USP53: variants seen among roughly 807,000 people sequenced by gnomAD.
The protein encoded by USP53 is ubiquitin carboxyl-terminal hydrolase 53.
Under a neutral mutation model 94.9 loss-of-function variants are expected in USP53, and 71 were observed. The observed-to-expected ratio is 0.75, with a 90% confidence interval of 0.62 to 0.91. The LOEUF (loss-of-function observed/expected upper bound fraction) is 0.91. USP53 is among the 40% of genes least tolerant of loss of function. The pLI is 0.00. For missense variants in USP53, 1,173 were observed against 1,281.0 expected, an observed-to-expected ratio of 0.92 and a Z score of 1.29; for synonymous variants, 375 against 422.7, an observed-to-expected ratio of 0.89 and a Z score of 1.39.
intron 7 of USP53, among the ~76,000 whole-genome samples, chr4:119,251,672 A>G (rs1749033577): frequency 1.3e-5 from 2 of 152,070 alleles, no homozygotes; most frequent in Admixed American, 1.3e-4. Context: ...ACCCTTCATC[A>G]CTTTCTCTTG....
At chr4:119,242,509 C>T (rs1394279309) in intron 5 of USP53, among the ~76,000 whole-genome samples, 1 of 152,100 alleles carries the variant, frequency 6.6e-6, no homozygotes, top group East Asian at 1.9e-4. Context: ...CCCTCTAATC[C>T]TTTTGGGTGT....
At chr4:119,287,410 TC>T (rs1158955245) in intron 17 of USP53, among the ~76,000 whole-genome samples, 37 of 152,230 alleles carry the variant, frequency 2.4e-4, no homozygotes, top group African/African-American at 7.9e-4. Context: ...GGAAATTGCT[TC>T]CAAGATTTAA....
chr4:119,226,014 T>C (rs1197735307), intron 3 of USP53, among the ~76,000 whole-genome samples: 1 of 152,184 alleles, frequency 6.6e-6, no homozygotes, highest in Non-Finnish European at 1.5e-5. Flanking sequence ...ATTTACAAAA[T>C]TTAAAAGTTT....
intron 3 of USP53, among the ~76,000 whole-genome samples, chr4:119,226,812 A>G (rs569713836): frequency 2.0e-5 from 3 of 152,212 alleles, no homozygotes; most frequent in South Asian, 4.1e-4. Context: ...AAATATATCT[A>G]CTATGTAAGT....
chr4:119,232,824 T>C (rs962086227), intron 3 of USP53, among the ~76,000 whole-genome samples: 1 of 152,188 alleles, frequency 6.6e-6, no homozygotes, highest in Non-Finnish European at 1.5e-5. Context: ...GTTAGCTTTA[T>C]GAAATGATTT....
chr4:119,230,810 C>T (rs1447791501), intron 3 of USP53, among the ~76,000 whole-genome samples: 1 of 152,042 alleles, frequency 6.6e-6, no homozygotes, highest in East Asian at 1.9e-4. Context: ...GGGTGGGGAG[C>T]AAGAGACAGA....
chr4:119,228,293 A>G (rs1388528192), intron 3 of USP53, among the ~76,000 whole-genome samples: 1 of 152,182 alleles, frequency 6.6e-6, no homozygotes, highest in Non-Finnish European at 1.5e-5. Context: ...TTAGCTGTCA[A>G]CCAGGATCTG....
intron 17 of USP53, among the ~76,000 whole-genome samples, chr4:119,283,998 C>A (rs1196947203): frequency 6.6e-6 from 1 of 151,638 alleles, no homozygotes; most frequent in Non-Finnish European, 1.5e-5. Context: ...TGAGCTAAAG[C>A]TAGAGAGAAG....
At chr4:119,230,053 GA>G (rs1453553161) in intron 3 of USP53, among the ~76,000 whole-genome samples, 1 of 152,140 alleles carries the variant, frequency 6.6e-6, no homozygotes, top group African/African-American at 2.4e-5. Context: ...ACCTCTCCAA[GA>G]AGCCTATTCT....
intron 9 of USP53, 57 bp from the exon 10 acceptor site, chr4:119,259,763 A>G: frequency 2.2e-6 from 3 of 1,351,952 alleles, no homozygotes; most frequent in Non-Finnish European, 2.1e-6. Flanking sequence ...TTTCATGTGT[A>G]ATTTATTAAA....
At chr4:119,251,493 A>G (rs1419855145) in intron 7 of USP53, among the ~76,000 whole-genome samples, 1 of 152,152 alleles carries the variant, frequency 6.6e-6, no homozygotes, top group African/African-American at 2.4e-5. Flanking sequence ...GTCTTCCACA[A>G]TGGTTGAACT....
intron 17 of USP53, 106 bp downstream of exon 17, chr4:119,273,814 T>A: frequency 2.4e-6 from 2 of 841,890 alleles, no homozygotes; most frequent in Non-Finnish European, 3.6e-6. Flanking sequence ...CTATAAAAAT[T>A]ATTTTTAAAT....
chr4:119,235,710 G>A (rs528579998), intron 4 of USP53, among the ~76,000 whole-genome samples: 7 of 151,996 alleles, frequency 4.6e-5, no homozygotes, highest in South Asian at 2.1e-4. Flanking sequence ...CTATTTCTCC[G>A]CTATACCAGA....
intron 17 of USP53, among the ~76,000 whole-genome samples, chr4:119,281,653 C>T (rs983898712): frequency 6.6e-6 from 1 of 152,076 alleles, no homozygotes; most frequent in African/African-American, 2.4e-5. Context: ...AAGTTCAGTA[C>T]TTGTTACAAA....
At chr4:119,282,241 A>T (rs556216103) in intron 17 of USP53, among the ~76,000 whole-genome samples, 2 of 152,058 alleles carry the variant, frequency 1.3e-5, no homozygotes, top group African/African-American at 4.8e-5. Context: ...GGTTGTTATT[A>T]TCCTTTGGCT....
chr4:119,279,865 C>G (rs1008466584), intron 17 of USP53, among the ~76,000 whole-genome samples: 1 of 152,168 alleles, frequency 6.6e-6, no homozygotes, highest in East Asian at 1.9e-4. Flanking sequence ...CCCGATTTTC[C>G]AGGTGCGTCC....
chr4:119,286,932 T>G (rs1283712849), intron 17 of USP53, among the ~76,000 whole-genome samples: 1 of 151,974 alleles, frequency 6.6e-6, no homozygotes, highest in Non-Finnish European at 1.5e-5. Flanking sequence ...ACATGAAAAA[T>G]AATATATTCC....
intron 17 of USP53, among the ~76,000 whole-genome samples, chr4:119,283,606 G>A (rs12645965): frequency 0.22 from 32,839 of 151,636 alleles, 4,068 homozygotes; most frequent in South Asian, 0.32. Context: ...GATGATAAGC[G>A]TATGTGGGCA....
intron 17 of USP53, among the ~76,000 whole-genome samples, chr4:119,282,923 C>A (rs1292924277): frequency 6.6e-6 from 1 of 151,948 alleles, no homozygotes; most frequent in East Asian, 1.9e-4. Context: ...TTAGAAATTT[C>A]TTACTTTCAT....
Sources: allele counts gnomAD v4.1 joint callset (sites outside exome capture counted in the v4.1 genomes callset), GRCh38; gene constraint gnomAD v4.1.1; transcripts MANE v1.5; gene names NCBI Gene and HGNC (gene_info 2026-07-23, HGNC 2026-07-21).